The following UPF2 variants were observed in gnomAD, a reference collection of about 807,000 sequenced individuals.
The protein encoded by UPF2 is regulator of nonsense transcripts 2.
In UPF2, 17 loss-of-function variants were observed where a neutral mutation model predicts 141.4. The observed-to-expected ratio is 0.12, with a 90% CI of 0.08 to 0.18. UPF2 has a LOEUF of 0.18. Among genes scored for constraint, UPF2 ranks in the 10% least tolerant of loss-of-function variants. The probability of loss-of-function intolerance (pLI) is 1.00; values close to 1 mark genes in which losing one functional copy is unlikely to be tolerated. For synonymous variants in UPF2, 540 were observed against 498.0 expected, an observed-to-expected ratio of 1.08 and a Z score of -1.12; for missense variants, 1,152 against 1,515.9, an observed-to-expected ratio of 0.76 and a Z score of 3.99.
rs974959724 is a variant in UPF2, at chr10:11,938,855, T to G, written c.3379-2143A>C. The stretch of plus-strand genomic sequence containing the variant: ...GGTCTTAAGCAAGTTTTTTTTTTGT[T>G]TTTTTTTTTTTTTTTTTTTTTTTTT... On this transcript the variant is annotated intron_variant, in intron 18 of 21. Coordinates refer to ENST00000357604, the MANE Select transcript of UPF2 (RefSeq NM_015542.4). 2.8e-4 allele frequency among the ~76,000 whole-genome samples: 17 copies of G among 61,146 alleles called. 1 individual carries two copies. The highest frequency in any genetic ancestry group is 6.7e-4 in the African/African-American group (10 of 14,834). The allele number at this position is 61,146 out of a possible 152,430, so 40.1% of individuals were successfully genotyped here.
chr10:11,958,413 A>T (rs182582305), intron 12 of UPF2, among the ~76,000 whole-genome samples: 5 of 152,208 alleles, frequency 3.3e-5, no homozygotes, highest in Admixed American at 1.3e-4. Flanking sequence ...TTTCCAACGA[A>T]GCTGGTATGA....
chr10:11,931,853 T>C lies in UPF2; in HGVS notation c.3547-71A>G. 1 of 1,523,518 alleles carries C rather than the reference T, an allele frequency of 6.6e-7. No homozygotes were observed. The highest frequency in any genetic ancestry group is 8.8e-7 in the Non-Finnish European group (1 of 1,134,314). 94.4% of individuals were successfully genotyped at this position (1,523,518 alleles called of 1,614,324 possible). ...AGAGAAAGAAAAAACAGACTTCAAA[T>C]AAAATAGCAAGTACAGGCTGGGCAC... On this transcript the variant is annotated intron_variant, in intron 19 of 21. Transcript: ENST00000357604. This position sits in a 1 kb window ranked among gnomAD's most constrained non-coding sequence, Gnocchi z 5.9.
intron 12 of UPF2, among the ~76,000 whole-genome samples, chr10:11,957,514 T>C (rs1413422835): frequency 6.6e-6 from 1 of 151,982 alleles, no homozygotes; most frequent in East Asian, 1.9e-4. Context: ...AATCTCACTT[T>C]CTTTCTTTCT....
intron 9 of UPF2, among the ~76,000 whole-genome samples, chr10:11,970,849 T>C (rs1833404806): frequency 1.3e-5 from 2 of 151,888 alleles, no homozygotes; most frequent in Admixed American, 6.6e-5. Context: ...AAAAACTATA[T>C]ACTAAAACTA....
intron 2 of UPF2, among the ~76,000 whole-genome samples, chr10:12,031,480 T>G (rs74116825): frequency 0.014 from 2,170 of 152,358 alleles, 51 homozygotes; most frequent in African/African-American, 0.049. Flanking sequence ...GGCAACAATC[T>G]GATTTTGAAG....
In UPF2 at chr10:11,940,996, T is replaced by C. The variant is rs1247660577; in HGVS notation, c.3378+1669A>G. 6.6e-6 allele frequency among the ~76,000 whole-genome samples: 1 copy of C among 152,132 alleles called. No individual in the cohort carries two copies. The highest frequency in any genetic ancestry group is 1.9e-4 in the East Asian group (1 of 5,194). On this transcript the variant is annotated intron_variant, in intron 18 of 21. Coordinates refer to ENST00000357604, the MANE Select transcript of UPF2 (RefSeq NM_015542.4). This position sits in a 1 kb window ranked among gnomAD's most constrained non-coding sequence, Gnocchi z 4.2. ...GAAATTCATGACCTCAGAGACTTCT[T>C]CCCCACTATCCTATCTAGGAATGCC...
chr10:12,041,832 A>G (rs1564377485), intron 1 of UPF2, among the ~76,000 whole-genome samples: 1 of 152,188 alleles, frequency 6.6e-6, no homozygotes, highest in Non-Finnish European at 1.5e-5. Flanking sequence ...TGGAAATGAG[A>G]TAAAGCGTCA....
chr10:11,930,552 G>T (rs989574413), intron 20 of UPF2, among the ~76,000 whole-genome samples: 3 of 152,150 alleles, frequency 2.0e-5, no homozygotes, highest in African/African-American at 7.2e-5. Context: ...AGAGGCGGGA[G>T]GACTGCTCAA....
intron 16 of UPF2, among the ~76,000 whole-genome samples, chr10:11,946,995 A>G (rs974060790): frequency 1.3e-5 from 2 of 152,270 alleles, no homozygotes; most frequent in Non-Finnish European, 2.9e-5. Flanking sequence ...TGAGGCCAGG[A>G]GTTCGAGATT....
intron 3 of UPF2, among the ~76,000 whole-genome samples, chr10:12,024,945 A>AC (rs1418356230): frequency 6.7e-6 from 1 of 150,178 alleles, no homozygotes; most frequent in Non-Finnish European, 1.5e-5. Context: ...AAAAAAAAAA[A>AC]AAAAAAAAAA....
At chr10:12,003,426 C>T (rs1833984185) in intron 5 of UPF2, among the ~76,000 whole-genome samples, 1 of 152,020 alleles carries the variant, frequency 6.6e-6, no homozygotes, top group Non-Finnish European at 1.5e-5. Context: ...GAAAACAGAA[C>T]AATGCAGGAA....
chr10:11,996,500 C>T (rs1833866968), intron 8 of UPF2, among the ~76,000 whole-genome samples: 1 of 152,092 alleles, frequency 6.6e-6, no homozygotes, highest in African/African-American at 2.4e-5. Flanking sequence ...CATGCGCCAC[C>T]ACACCCAGCT....
At chr10:12,031,690 C>T (rs1008281721) in intron 2 of UPF2, among the ~76,000 whole-genome samples, 3 of 151,612 alleles carry the variant, frequency 2.0e-5, no homozygotes, top group African/African-American at 7.3e-5. Flanking sequence ...ACGGGGGGAT[C>T]GCTTGAGCCC....
intron 9 of UPF2, among the ~76,000 whole-genome samples, chr10:11,968,075 AAGCTG>A (rs1412965668): frequency 6.6e-6 from 1 of 152,116 alleles, no homozygotes; most frequent in African/African-American, 2.4e-5. Flanking sequence ...CCTACTTGGG[AAGCTG>A]AGGCAGGAGA....
At chr10:11,957,759 C>T (rs56043903) in intron 12 of UPF2, among the ~76,000 whole-genome samples, 3 of 152,278 alleles carry the variant, frequency 2.0e-5, no homozygotes, top group South Asian at 4.1e-4. Context: ...CTCAAGTGAT[C>T]TGCCCACCTC....
At chr10:11,942,807 G>T (rs2131171118) in intron 17 of UPF2, 44 bp from the exon 18 acceptor site, 1 of 1,575,910 alleles carries the variant, frequency 6.3e-7, no homozygotes, top group East Asian at 2.2e-5. Flanking sequence ...AATTTTAACT[G>T]TAATGTTTTC....
chr10:11,932,638 G>A (rs1194968202), intron 19 of UPF2, among the ~76,000 whole-genome samples: 1 of 152,140 alleles, frequency 6.6e-6, no homozygotes, highest in Non-Finnish European at 1.5e-5. Flanking sequence ...TTTGCCTACT[G>A]CCTTTACTGC....
chr10:12,011,802 G>T (rs555982996), intron 4 of UPF2, among the ~76,000 whole-genome samples: 2 of 151,414 alleles, frequency 1.3e-5, no homozygotes, highest in Non-Finnish European at 2.9e-5. Context: ...AAAATTAGCC[G>T]GGTGTAGTGG....
In UPF2 at chr10:11,956,684, C is replaced by G. The variant is rs148046745; in HGVS notation, c.2371-161G>C. ...TCAGAAATAGAAAAACTGAGACTTT[C>G]TAATTACAATAAAATGTATTATCAT... is the stretch of plus-strand genomic sequence containing the variant. On this transcript the variant is annotated intron_variant, in intron 12 of 21. Coordinates refer to ENST00000357604, the MANE Select transcript of UPF2 (RefSeq NM_015542.4). This position sits in a 1 kb window ranked among gnomAD's most constrained non-coding sequence, Gnocchi z 4.2. Among the ~76,000 whole-genome samples, 249 of 152,320 alleles carry G rather than the reference C, an allele frequency of 1.6e-3. No individual in the cohort carries two copies. Among genetic ancestry groups the G allele is most frequent in the African/African-American group, 5.7e-3 (235 of 41,578 alleles).
Sources: gnomAD v4.1 joint callset for allele counts (sites outside exome capture counted in the v4.1 genomes callset) on GRCh38, gnomAD v4.1.1 for gene constraint, Gnocchi (gnomAD v3.1) non-coding constraint, MANE v1.5 for transcripts, NCBI Gene and HGNC (gene_info 2026-07-23, HGNC 2026-07-21) for gene names.